PTPRE: variants seen among roughly 807,000 people sequenced by gnomAD.
PTPRE encodes protein tyrosine phosphatase receptor type E.
PTPRE carries 51 observed loss-of-function variants against 102.0 expected under a neutral mutation model. The observed-to-expected ratio is 0.50, with a 90% CI of 0.40 to 0.63. The LOEUF (loss-of-function observed/expected upper bound fraction) is 0.63. Ranked by LOEUF, PTPRE falls within the 30% of genes least tolerant of loss-of-function variation. The pLI is 0.00. For missense variants in PTPRE, 752 were observed against 915.1 expected (o/e 0.82, Z 2.30); for synonymous variants, 345 against 348.2 (o/e 0.99, Z 0.10).
rs1285295721 is a variant in PTPRE, at chr10:128,047,461, G to A, written c.181G>A (p.Val61Met). 1.3e-5 allele frequency: 21 copies of A among 1,613,246 alleles called. No individual in the cohort carries two copies. Among genetic ancestry groups the A allele is most frequent in the African/African-American group, 5.3e-5 (4 of 74,898 alleles). ...LLLPLLLLLL[V>M]LLLAAYFFRF... is the part of the protein sequence containing the mutation. ...ACTGCCGCTGCTGCTCCTCCTCCTC[G>A]TGCTCCTTCTCGCCGCCTACTTCTT... The change falls in exon 4 of 21, where the codon GTG (valine) becomes ATG (methionine). Residue 61 changes from valine to methionine, a missense_variant. Val to Met is a conservative substitution (Grantham distance 21). Around this residue, in one of 2 missense-constraint regions of PTPRE, gnomAD observed 116 missense variants for 90.8 expected, o/e 1.28. Transcript: ENST00000254667.
At chr10:127,986,188 C>T (rs574046325) in intron 2 of PTPRE, among the ~76,000 whole-genome samples, 20 of 152,208 alleles carry the variant, frequency 1.3e-4, no homozygotes, top group African/African-American at 4.6e-4. Flanking sequence ...TCACCCATTC[C>T]CATGTTTTCC....
intron 1 of PTPRE, among the ~76,000 whole-genome samples, chr10:127,919,018 T>A (rs1846409330): frequency 6.6e-6 from 1 of 152,142 alleles, no homozygotes; most frequent in South Asian, 2.1e-4. Flanking sequence ...GAGTTGTAGG[T>A]GTATCTTGAA....
At position 128,084,303 on chromosome 10, in the gene PTPRE, CTTTTTTT is replaced by C. The variant is rs10537899; in HGVS notation, c.*1401_*1407del. 7 of 151,150 alleles carry C rather than the reference CTTTTTTT, an allele frequency of 4.6e-5. No individual in the cohort carries two copies. The highest frequency in any genetic ancestry group is 2.1e-4 in the South Asian group (1 of 4,798). 9.4% of individuals were successfully genotyped at this position (151,150 alleles called of 1,614,324 possible). ...GCATTTAACACGTGCATTTTTGGTA[CTTTTTTT>C]TTTGTTTTCTAAAAGCTACATAAAG... On this transcript the variant is annotated 3_prime_UTR_variant, in exon 21 of 21. Transcript: ENST00000254667.
At chr10:127,975,311 C>G (rs1185781606) in intron 1 of PTPRE, among the ~76,000 whole-genome samples, 1 of 152,192 alleles carries the variant, frequency 6.6e-6, no homozygotes, top group Non-Finnish European at 1.5e-5. Flanking sequence ...GGCTGTTTAC[C>G]AACACACGCT....
intron 2 of PTPRE, among the ~76,000 whole-genome samples, chr10:128,018,577 G>T (rs1008291568): frequency 2.6e-4 from 39 of 152,182 alleles, no homozygotes; most frequent in Non-Finnish European, 1.0e-4. Context: ...GCCAACAGCT[G>T]TTCCCAGAGG....
intron 1 of PTPRE, among the ~76,000 whole-genome samples, chr10:127,931,628 C>G (rs553057011): frequency 6.6e-6 from 1 of 152,232 alleles, no homozygotes; most frequent in African/African-American, 2.4e-5. Flanking sequence ...TTCTGAAACT[C>G]TACCGCCCCC....
chr10:127,939,769 G>C (rs1848087802), intron 1 of PTPRE, among the ~76,000 whole-genome samples: 1 of 151,960 alleles, frequency 6.6e-6, no homozygotes, highest in Non-Finnish European at 1.5e-5. Context: ...GGAGGAGGCA[G>C]GTGTGGGCAG....
chr10:127,962,624 G>A (rs953892636), intron 1 of PTPRE, among the ~76,000 whole-genome samples: 10 of 152,344 alleles, frequency 6.6e-5, no homozygotes, highest in South Asian at 2.1e-4. Flanking sequence ...CAATGAAGCC[G>A]AGGGAGCTCA....
intron 2 of PTPRE, among the ~76,000 whole-genome samples, chr10:128,019,329 C>A (rs771106131): frequency 1.3e-5 from 2 of 152,220 alleles, no homozygotes; most frequent in African/African-American, 4.8e-5. Context: ...GACAAGAAAA[C>A]GCGGGTGGAT....
At chr10:127,997,242 G>A (rs759545946) in intron 2 of PTPRE, among the ~76,000 whole-genome samples, 5 of 152,056 alleles carry the variant, frequency 3.3e-5, no homozygotes, top group Non-Finnish European at 5.9e-5. Context: ...TATAATGAAA[G>A]CTAAAGACAG....
intron 16 of PTPRE, 137 bp downstream of exon 16, chr10:128,072,351 ACTTGCTT>A: frequency 1.2e-6 from 1 of 816,518 alleles, no homozygotes; most frequent in Non-Finnish European, 1.9e-6. Flanking sequence ...TAGCAGAATT[ACTTGCTT>A]AAAAAAAAAA....
At chr10:127,967,105 C>T (rs989928693) in intron 1 of PTPRE, among the ~76,000 whole-genome samples, 5 of 152,208 alleles carry the variant, frequency 3.3e-5, no homozygotes, top group Non-Finnish European at 7.3e-5. Flanking sequence ...GGTCATTTGT[C>T]GCCCAGTGTG....
rs758586664 is a variant in PTPRE at position 128,047,418 on chromosome 10, G to A, written c.138G>A (p.Pro46=). 12 of 1,612,958 alleles carry A rather than the reference G, an allele frequency of 7.4e-6. No homozygotes were observed. Among genetic ancestry groups the A allele is most frequent in the Admixed American group, 3.3e-5 (2 of 59,988 alleles). Residue 46 remains proline, a synonymous_variant, in exon 4 of 21, where the codon CCG becomes CCA. Coordinates refer to ENST00000254667, the MANE Select transcript of PTPRE (RefSeq NM_006504.6). ...SGPPDPGASQ[P]LLAWLLLPLL... Reference sequence around the variant, plus strand: ...CTCCGGACCCGGGCGCCTCCCAGCCGCTGCTGGCCTGGCTGCTACTGCCGC... The same window carrying A: ...CTCCGGACCCGGGCGCCTCCCAGCCACTGCTGGCCTGGCTGCTACTGCCGC...
At position 128,063,192 on chromosome 10, in the gene PTPRE, G is replaced by A; in HGVS notation, c.723+12G>A. The stretch of plus-strand genomic sequence containing the variant: ...AAGAAAGGAAAGAGGTGAGTTCCAG[G>A]CATCTGGCCCCGGTATCACTTCCTT... On this transcript the variant is annotated intron_variant, in intron 10 of 20. Transcript: ENST00000254667. 1 of 1,613,816 alleles carries A rather than the reference G, an allele frequency of 6.2e-7. No homozygotes were observed. Among genetic ancestry groups the A allele is most frequent in the Non-Finnish European group, 8.5e-7 (1 of 1,179,860 alleles).
chr10:127,972,888 A>T (rs1485836683), intron 1 of PTPRE, among the ~76,000 whole-genome samples: 3 of 152,222 alleles, frequency 2.0e-5, no homozygotes, highest in Admixed American at 2.0e-4. Context: ...ATGTCTCCAC[A>T]TCACACAGAG....
At chr10:128,041,641 C>T (rs1331600534) in intron 3 of PTPRE, among the ~76,000 whole-genome samples, 5 of 66,626 alleles carry the variant, frequency 7.5e-5, no homozygotes, top group East Asian at 9.3e-4. Flanking sequence ...ACAGAGACTA[C>T]GTCTCAAAAA....
intron 2 of PTPRE, among the ~76,000 whole-genome samples, chr10:127,995,726 T>C (rs1319634705): frequency 1.3e-5 from 2 of 152,154 alleles, no homozygotes; most frequent in East Asian, 3.8e-4. Context: ...TTATGATGAA[T>C]TTGCTGAGTG....
At chr10:127,936,980 T>C (rs1847887059) in intron 1 of PTPRE, among the ~76,000 whole-genome samples, 1 of 152,182 alleles carries the variant, frequency 6.6e-6, no homozygotes, top group South Asian at 2.1e-4. Flanking sequence ...TGTCTAGGAA[T>C]CGATATGGAT....
chr10:127,996,368 C>A (rs141271651), intron 2 of PTPRE, among the ~76,000 whole-genome samples: 3 of 152,176 alleles, frequency 2.0e-5, no homozygotes, highest in Non-Finnish European at 4.4e-5. Context: ...GGGTTTGGGA[C>A]GTGAGTGGTT....
Sources: gnomAD v4.1 joint callset for allele counts (sites outside exome capture counted in the v4.1 genomes callset) on GRCh38, gnomAD v4.1.1 for gene constraint, gnomAD v4.1.1 regional missense constraint, MANE v1.5 for transcripts, NCBI Gene and HGNC (gene_info 2026-07-23, HGNC 2026-07-21) for gene names.